Variants in UBR3 observed in about 807,000 individuals in gnomAD.
UBR3 encodes the protein ubiquitin protein ligase E3 component n-recognin 3, also known as E3 ubiquitin-protein ligase UBR3.
Under a neutral mutation model 243.2 loss-of-function variants are expected in UBR3, and 85 were observed. That is an observed-to-expected ratio of 0.35 (90% CI 0.29 to 0.42). UBR3 has a LOEUF of 0.42. Among genes scored for constraint, UBR3 ranks in the 10% least tolerant of loss-of-function variants. The pLI is 1.00. For synonymous variants in UBR3, 748 were observed against 799.8 expected, an observed-to-expected ratio of 0.94 and a Z score of 1.09; for missense variants, 1,686 against 2,300.8, an observed-to-expected ratio of 0.73 and a Z score of 5.47.
rs1491293579 is a variant in UBR3, at chr2:169,852,883, A to AAAC, written c.546-19353_546-19352insAAC. Among the ~76,000 whole-genome samples the AAAC allele has an allele frequency of 2.1e-3, 126 of 59,808 alleles. 1 individual carries two copies. The highest frequency in any genetic ancestry group is 9.8e-3 in the Middle Eastern group (1 of 102). The allele number at this position is 59,808 out of a possible 152,430, so 39.2% of individuals were successfully genotyped here. On this transcript the variant is annotated intron_variant, in intron 1 of 38. Coordinates refer to ENST00000272793, the MANE Select transcript of UBR3 (RefSeq NM_172070.4). Reference sequence around the variant, plus strand: ...AAAAAAAAAAAAAAAAAAAAACAAAACCAAACAAATTGAGTCCTTTAAGAG... The same window carrying AAAC: ...AAAAAAAAAAAAAAAAAAAAACAAAAAACCCAAACAAATTGAGTCCTTTAAGAG...
chr2:170,023,855 C>T (rs1221073655), intron 30 of UBR3, among the ~76,000 whole-genome samples: 2 of 152,058 alleles, frequency 1.3e-5, no homozygotes, highest in African/African-American at 2.4e-5. Flanking sequence ...GGATTACAGG[C>T]GTAAGCCATT....
intron 35 of UBR3, among the ~76,000 whole-genome samples, chr2:170,065,304 A>G (rs10199141): frequency 0.77 from 116,871 of 151,808 alleles, 45,699 homozygotes; most frequent in East Asian, 0.88. Flanking sequence ...GGTGGGCGGG[A>G]GGAAGACAGT....
intron 5 of UBR3, among the ~76,000 whole-genome samples, chr2:169,884,872 T>C (rs2084029780): frequency 6.6e-6 from 1 of 152,168 alleles, no homozygotes; most frequent in South Asian, 2.1e-4. Flanking sequence ...ATGGTCAAAA[T>C]GCAATAATTA....
At chr2:169,842,132 G>A (rs954996529) in intron 1 of UBR3, among the ~76,000 whole-genome samples, 6 of 151,828 alleles carry the variant, frequency 4.0e-5, no homozygotes, top group African/African-American at 1.2e-4. Context: ...TGGTGAGGAC[G>A]TGGAGAACCT....
chr2:170,015,434 G>A, intron 30 of UBR3, 68 bp downstream of exon 30: 1 of 1,307,222 alleles, frequency 7.6e-7, no homozygotes, highest in Non-Finnish European at 1.1e-6. Context: ...CAGGAAAAGT[G>A]ACATTTTGGT....
chr2:170,047,769 T>G (rs538318197), intron 32 of UBR3, among the ~76,000 whole-genome samples: 1 of 152,360 alleles, frequency 6.6e-6, no homozygotes, highest in East Asian at 1.9e-4. Flanking sequence ...CATGCCATTC[T>G]GAGTAGTACA....
chr2:170,018,085 G>C (rs1325292062), intron 30 of UBR3, among the ~76,000 whole-genome samples: 3 of 152,084 alleles, frequency 2.0e-5, no homozygotes, highest in Non-Finnish European at 4.4e-5. Context: ...TGTCCCAAAG[G>C]ATGCAGAACT....
At chr2:169,986,935 A>G in intron 25 of UBR3, 141 bp downstream of exon 25, 3 of 856,180 alleles carry the variant, frequency 3.5e-6, no homozygotes, top group Non-Finnish European at 5.1e-6. Flanking sequence ...CAAATAACAA[A>G]GATTCTTTAT....
intron 36 of UBR3, among the ~76,000 whole-genome samples, chr2:170,075,003 TGA>T (rs1449867019): frequency 1.3e-5 from 2 of 152,144 alleles, no homozygotes; most frequent in East Asian, 3.8e-4. Flanking sequence ...TCAGGGAAAG[TGA>T]GAATTTTAAT....
At chr2:169,915,032 A>G (rs2085405354) in intron 11 of UBR3, among the ~76,000 whole-genome samples, 1 of 152,122 alleles carries the variant, frequency 6.6e-6, no homozygotes. Flanking sequence ...ACAAACAAGG[A>G]TATTTTCTTA....
intron 32 of UBR3, 109 bp downstream of exon 32, chr2:170,041,094 G>A (rs979749984): frequency 4.5e-5 from 48 of 1,064,238 alleles, no homozygotes; most frequent in Non-Finnish European, 6.2e-5. Flanking sequence ...TGTAATCCCC[G>A]CACTTTAGGA....
At position 169,827,547 on chromosome 2, in the gene UBR3, C is replaced by T; in HGVS notation, c.40C>T (p.Pro14Ser). The T allele has an allele frequency of 8.1e-7, 1 of 1,231,692 alleles. No individual in the cohort carries two copies. The highest frequency in any genetic ancestry group is 3.2e-5 in the East Asian group (1 of 31,294). The allele number at this position is 1,231,692 out of a possible 1,614,324, so 76.3% of individuals were successfully genotyped here. A position where few individuals can be genotyped will look rare whatever the true frequency, so the allele number is the denominator to read the frequency against. The change falls in exon 1 of 39, where the codon CCG (proline) becomes TCG (serine). Residue 14 changes from proline to serine, a missense_variant. Pro to Ser is a moderately conservative substitution (Grantham distance 74). Coordinates refer to ENST00000272793, the MANE Select transcript of UBR3 (RefSeq NM_172070.4). ...CGCGGCGGCCGTCGGGGGCCAGCAG[C>T]CGTCACAGCCCGAGCTGCCCGCGCC... ...AAAAAVGGQQ[P>S]SQPELPAPGL...
chr2:169,977,841 G>A (rs1242075267), intron 24 of UBR3, among the ~76,000 whole-genome samples: 7 of 152,178 alleles, frequency 4.6e-5, no homozygotes, highest in Non-Finnish European at 7.3e-5. Flanking sequence ...TTAGCCATCA[G>A]TTCATTTTGT....
At chr2:169,990,256 T>C (rs1371080921) in intron 25 of UBR3, among the ~76,000 whole-genome samples, 2 of 152,162 alleles carry the variant, frequency 1.3e-5, no homozygotes, top group Non-Finnish European at 2.9e-5. Flanking sequence ...TTTAAGTACA[T>C]TTATCTACAT....
intron 11 of UBR3, among the ~76,000 whole-genome samples, chr2:169,917,185 G>C (rs2085496533): frequency 6.6e-6 from 1 of 152,046 alleles, no homozygotes; most frequent in African/African-American, 2.4e-5. Context: ...AACTCACCTT[G>C]ATTCTTTGCC....
At chr2:169,889,600 G>T (rs1403772744) in intron 5 of UBR3, among the ~76,000 whole-genome samples, 2 of 152,154 alleles carry the variant, frequency 1.3e-5, no homozygotes, top group African/African-American at 4.8e-5. Context: ...GCTAAGAGCG[G>T]CAGAGAGGGA....
intron 32 of UBR3, among the ~76,000 whole-genome samples, chr2:170,047,379 G>A (rs891756442): frequency 1.3e-5 from 2 of 152,076 alleles, no homozygotes; most frequent in Admixed American, 6.6e-5. Context: ...AAAATGGTAA[G>A]GAAAAAATTG....
rs1479213279 is a variant in UBR3, at chr2:169,827,572, C to T, written c.65C>T (p.Pro22Leu). The T allele has an allele frequency of 1.6e-5, 20 of 1,234,914 alleles. No individual in the cohort carries two copies. The highest frequency in any genetic ancestry group is 2.0e-5 in the Non-Finnish European group (20 of 991,520). 76.5% of individuals were successfully genotyped at this position (1,234,914 alleles called of 1,614,324 possible). ...QQPSQPELPA[P>L]GLALDKAATA... ...CCGTCACAGCCCGAGCTGCCCGCGC[C>T]GGGGCTGGCCCTAGACAAGGCGGCC... is the stretch of plus-strand genomic sequence containing the variant. The change falls in exon 1 of 39, where the codon CCG becomes CTG. Residue 22 changes from proline to leucine, a missense_variant. Pro to Leu is a moderately conservative substitution (Grantham distance 98). Coordinates refer to ENST00000272793, the MANE Select transcript of UBR3 (RefSeq NM_172070.4).
intron 31 of UBR3, among the ~76,000 whole-genome samples, chr2:170,030,651 T>C (rs1486054517): frequency 6.6e-6 from 1 of 152,128 alleles, no homozygotes; most frequent in Non-Finnish European, 1.5e-5. Flanking sequence ...CATTAGAATA[T>C]GTACTTCTAG....
Sources: allele counts gnomAD v4.1 joint callset (sites outside exome capture counted in the v4.1 genomes callset), GRCh38; gene constraint gnomAD v4.1.1; transcripts MANE v1.5; gene names NCBI Gene and HGNC (gene_info 2026-07-23, HGNC 2026-07-21).